Variants in ANKMY1 observed in about 807,000 individuals in gnomAD.
ANKMY1 encodes the protein ankyrin repeat and MYND domain containing 1, also known as ankyrin repeat and MYND domain-containing protein 1.
In ANKMY1, 98 loss-of-function variants were observed where a neutral mutation model predicts 102.0. The observed-to-expected ratio is 0.96, with a 90% CI of 0.82 to 1.14. The LOEUF (loss-of-function observed/expected upper bound fraction) is 1.14. ANKMY1 is among the 50% of genes most tolerant of loss of function. ANKMY1 has a pLI of 0.00. For missense variants in ANKMY1, 1,330 were observed against 1,347.6 expected (o/e 0.99, Z 0.20); for synonymous variants, 582 against 559.9 (o/e 1.04, Z -0.56).
At position 240,493,214 on chromosome 2, in the gene ANKMY1, C is replaced by T. The variant is rs534397111; in HGVS notation, c.2806+6744G>A. The stretch of plus-strand genomic sequence containing the variant: ...TGGTGGTGCATGCCTGTAATCCCAG[C>T]TACTCAGGAGGCTAAGGCAGGAGAA... On this transcript the variant is annotated intron_variant, in intron 15 of 17. Transcript: ENST00000401804. Among the ~76,000 whole-genome samples the T allele has an allele frequency of 6.6e-5, 10 of 152,112 alleles. No homozygotes were observed. The South Asian group carries it at 2.1e-3, about 32-fold the overall frequency.
chr2:240,495,100 C>G (rs1158065059), intron 15 of ANKMY1, among the ~76,000 whole-genome samples: 1 of 152,176 alleles, frequency 6.6e-6, no homozygotes, highest in Admixed American at 6.5e-5. Context: ...TGTGAGCCTT[C>G]TGTTATGCCC....
upstream of ANKMY1, chr2:240,560,798 G>A (rs1199154146): frequency 1.4e-6 from 2 of 1,446,108 alleles, no homozygotes; most frequent in Non-Finnish European, 1.8e-6. Context: ...GCGCGGAGGA[G>A]CAGCTGGCGC....
At chr2:240,487,759 C>G (rs1182618263) in intron 15 of ANKMY1, among the ~76,000 whole-genome samples, 1 of 151,778 alleles carries the variant, frequency 6.6e-6, no homozygotes, top group East Asian at 1.9e-4. Context: ...TTTCATACAC[C>G]CACTGGCTGT....
rs1304436700 is a variant in ANKMY1, at chr2:240,530,749, CA to C, written c.481-1241del. 5.3e-5 allele frequency among the ~76,000 whole-genome samples: 8 copies of C among 152,126 alleles called. No homozygotes were observed. In the East Asian group the frequency reaches 1.5e-3, roughly 29 times the overall value. ...AGGGTGTCAGGAGACCCAATCTCCA[CA>C]AAAAAATTTACAAATTGTGCTGGTG... On this transcript the variant is annotated intron_variant, in intron 4 of 17. Transcript: ENST00000401804.
chr2:240,529,102 T>C lies in ANKMY1; in HGVS notation c.888A>G (p.Glu296=), dbSNP rs756822921. The change falls in exon 5 of 18, where the codon GAA becomes GAG. Residue 296 remains glutamate, a synonymous_variant. Coordinates refer to ENST00000401804, the MANE Select transcript of ANKMY1 (RefSeq NM_001282771.3). The surrounding 1 kb of genome is among the most constrained non-coding windows in gnomAD (Gnocchi z 4.2). ...GGGTCTCATTGATTATGAACCATGG[T>C]TCTCCATCCTCAACGAACGGAGGAA... ...NEIPPFVEDG[E]PWFIINETPL... 138 of 1,614,140 alleles carry C rather than the reference T, an allele frequency of 8.5e-5. No homozygotes were observed. Among genetic ancestry groups the C allele is most frequent in the Non-Finnish European group, 1.1e-4 (134 of 1,180,012 alleles).
chr2:240,477,861 CGTCT>C (rs5839798), downstream of ANKMY1, among the ~76,000 whole-genome samples: 43,245 of 151,914 alleles, frequency 0.28, 7,267 homozygotes, highest in East Asian at 0.71. Flanking sequence ...TTTAGATACA[CGTCT>C]GTCTGTGTGC....
At chr2:240,543,137 C>A (rs2089426605) in intron 4 of ANKMY1, among the ~76,000 whole-genome samples, 1 of 151,780 alleles carries the variant, frequency 6.6e-6, no homozygotes, top group Non-Finnish European at 1.5e-5. Flanking sequence ...ATCATGAGGT[C>A]AGGAGATGGA....
upstream of ANKMY1, chr2:240,561,003 C>G: frequency 6.5e-7 from 1 of 1,537,870 alleles, no homozygotes; most frequent in African/African-American, 1.4e-5. Flanking sequence ...CAAGAACGGC[C>G]GCAGCCGCTC....
chr2:240,492,976 C>T lies in ANKMY1; in HGVS notation c.2806+6982G>A, dbSNP rs1181210530. Reference sequence around the variant, plus strand: ...ATGTTGGGATTACAGGCGTGAGCCACCTCACCTGGCCTAAAAATCAGTATT... The same window carrying T: ...ATGTTGGGATTACAGGCGTGAGCCATCTCACCTGGCCTAAAAATCAGTATT... On this transcript the variant is annotated intron_variant, in intron 15 of 17. Transcript: ENST00000401804. Among the ~76,000 whole-genome samples, 3 of 152,286 alleles carry T rather than the reference C, an allele frequency of 2.0e-5. No homozygotes were observed. The East Asian group carries it at 5.8e-4, about 29-fold the overall frequency.
intron 15 of ANKMY1, among the ~76,000 whole-genome samples, chr2:240,489,392 G>A (rs558669073): frequency 3.0e-4 from 45 of 152,182 alleles, no homozygotes; most frequent in Non-Finnish European, 5.0e-4. Context: ...GGGAGGCAGA[G>A]GTTGTAGTGA....
chr2:240,555,108 A>T (rs978961749), intron 2 of ANKMY1, 53 bp from the exon 3 acceptor site: 1 of 1,586,772 alleles, frequency 6.3e-7, no homozygotes, highest in Non-Finnish European at 8.6e-7. Context: ...CAGTGCCTTC[A>T]GTGACTGCTG....
chr2:240,500,964 A>C (rs2078077158), intron 13 of ANKMY1, among the ~76,000 whole-genome samples: 1 of 152,182 alleles, frequency 6.6e-6, no homozygotes, highest in Admixed American at 6.5e-5. Context: ...GCCAGGGGGC[A>C]TGTTGCTCAA....
chr2:240,499,843 C>G lies in ANKMY1; in HGVS notation c.2806+115G>C. On this transcript the variant is annotated intron_variant, in intron 15 of 17. Coordinates refer to ENST00000401804, the MANE Select transcript of ANKMY1 (RefSeq NM_001282771.3). The surrounding 1 kb of genome is among the most constrained non-coding windows in gnomAD (Gnocchi z 4.2). Reference sequence around the variant, plus strand: ...AGGGGACAAGCCGACGAGCCCAGCCCCAGGAAGGCCCCTCCAAGAGCCCCA... The same window carrying G: ...AGGGGACAAGCCGACGAGCCCAGCCGCAGGAAGGCCCCTCCAAGAGCCCCA... The G allele has an allele frequency of 7.4e-7, 1 of 1,347,768 alleles. No homozygotes were observed. The highest frequency in any genetic ancestry group is 9.9e-7 in the Non-Finnish European group (1 of 1,012,630). 83.5% of individuals were successfully genotyped at this position (1,347,768 alleles called of 1,614,324 possible).
chr2:240,507,467 T>C (rs1486757111), intron 13 of ANKMY1, 93 bp downstream of exon 13: 2 of 1,161,346 alleles, frequency 1.7e-6, no homozygotes, highest in Non-Finnish European at 2.2e-6. Context: ...TCCCCGCTCA[T>C]CAGGGCCACC....
upstream of ANKMY1, among the ~76,000 whole-genome samples, chr2:240,559,763 C>A (rs1029641169): frequency 1.3e-5 from 2 of 152,152 alleles, no homozygotes; most frequent in Non-Finnish European, 2.9e-5. Flanking sequence ...CAAGAGTGAA[C>A]CCCAGGCTGC....
chr2:240,532,787 C>T (rs899930082), intron 4 of ANKMY1, among the ~76,000 whole-genome samples: 1 of 152,236 alleles, frequency 6.6e-6, no homozygotes, highest in African/African-American at 2.4e-5. Flanking sequence ...TATATATGTC[C>T]TCAAATTCCT....
At chr2:240,531,800 T>A (rs2152443565) in intron 4 of ANKMY1, among the ~76,000 whole-genome samples, 1 of 152,360 alleles carries the variant, frequency 6.6e-6, no homozygotes, top group East Asian at 1.9e-4. Flanking sequence ...TAAATCATGA[T>A]CAAGGTGGTA....
At chr2:240,512,085 C>T in intron 10 of ANKMY1, 84 bp from the exon 11 acceptor site, 2 of 1,429,322 alleles carry the variant, frequency 1.4e-6, no homozygotes, top group Admixed American at 6.2e-5. Flanking sequence ...GAGCTTCCTC[C>T]CCAGCCTGCG....
At chr2:240,495,825 C>T (rs1315131446) in intron 15 of ANKMY1, among the ~76,000 whole-genome samples, 1 of 152,204 alleles carries the variant, frequency 6.6e-6, no homozygotes, top group Non-Finnish European at 1.5e-5. Flanking sequence ...CCTACACCTA[C>T]TCACCTCTTC....
Sources: gnomAD v4.1 joint callset for allele counts (sites outside exome capture counted in the v4.1 genomes callset) on GRCh38, gnomAD v4.1.1 for gene constraint, Gnocchi (gnomAD v3.1) non-coding constraint, MANE v1.5 for transcripts, NCBI Gene and HGNC (gene_info 2026-07-23, HGNC 2026-07-21) for gene names.